TGFBRAP1: variants seen among roughly 807,000 people sequenced by gnomAD.
TGFBRAP1 encodes transforming growth factor beta receptor associated protein 1, also known as transforming growth factor-beta receptor-associated protein 1.
Under a neutral mutation model 83.2 loss-of-function variants are expected in TGFBRAP1, and 20 were observed. The observed-to-expected ratio is 0.24, with a 90% confidence interval of 0.17 to 0.35. The LOEUF is 0.35. Among genes scored for constraint, TGFBRAP1 ranks in the 10% least tolerant of loss-of-function variants. TGFBRAP1 has a pLI of 1.00. For missense variants in TGFBRAP1, 950 were observed against 1,099.4 expected, an observed-to-expected ratio of 0.86 and a Z score of 1.92; for synonymous variants, 415 against 459.8, an observed-to-expected ratio of 0.90 and a Z score of 1.25.
chr2:105,253,735 T>G, the TGFBRAP1 span, among the ~76,000 whole-genome samples: 1 of 152,192 alleles, frequency 6.6e-6, no homozygotes, highest in Non-Finnish European at 1.5e-5. Context: ...GAACCTGGCC[T>G]CCTAGTTTAA....
rs892232749 is a variant in TGFBRAP1, at chr2:105,289,196, C to CA, written c.1039-4799dup. Among the ~76,000 whole-genome samples, 76 of 140,112 alleles carry CA rather than the reference C, an allele frequency of 5.4e-4. No homozygotes were observed. In the East Asian group the frequency reaches 9.0e-3, roughly 17 times the overall value. The allele number at this position is 140,112 out of a possible 152,430, so 91.9% of individuals were successfully genotyped here. Reference sequence around the variant, plus strand: ...GGAGAGCACACATAAGCAAAATTTACAAAAAAAAAAGTGGGGGGGTGCCAA... The same window carrying CA: ...GGAGAGCACACATAAGCAAAATTTACAAAAAAAAAAAGTGGGGGGGTGCCAA... On this transcript the variant is annotated intron_variant, in intron 4 of 11. Transcript: ENST00000393359.
intron 2 of TGFBRAP1, among the ~76,000 whole-genome samples, chr2:105,306,912 G>A (rs1041311424): frequency 1.1e-4 from 16 of 152,072 alleles, no homozygotes; most frequent in East Asian, 1.9e-4. Flanking sequence ...GGACCTAACC[G>A]CTGTACAACC....
At chr2:105,285,515 G>A (rs1021385783) in intron 4 of TGFBRAP1, among the ~76,000 whole-genome samples, 3 of 152,204 alleles carry the variant, frequency 2.0e-5, no homozygotes, top group Non-Finnish European at 4.4e-5. Flanking sequence ...TGATTCTAGA[G>A]GCCAGATCTT....
In TGFBRAP1 at chr2:105,273,824, A is replaced by G. The variant is rs1025867750; in HGVS notation, c.1666-134T>C. On this transcript the variant is annotated intron_variant, in intron 8 of 11. Coordinates refer to ENST00000393359, the MANE Select transcript of TGFBRAP1 (RefSeq NM_004257.6). ...TATGATTAAATTATTATGTATGCACAGCTTTTTGTATGTCAATCATATCTC... is the reference window on the plus strand; with the variant it reads ...TATGATTAAATTATTATGTATGCACGGCTTTTTGTATGTCAATCATATCTC... 20 of 1,115,020 alleles carry G rather than the reference A, an allele frequency of 1.8e-5. No individual in the cohort carries two copies. In the African/African-American group the frequency reaches 3.2e-4, roughly 18 times the overall value. The allele number at this position is 1,115,020 out of a possible 1,614,324, so 69.1% of individuals were successfully genotyped here. A position where few individuals can be genotyped will look rare whatever the true frequency, so the allele number is the denominator to read the frequency against.
downstream of TGFBRAP1, among the ~76,000 whole-genome samples, chr2:105,259,818 C>G (rs776477568): frequency 5.9e-4 from 89 of 152,030 alleles, no homozygotes; most frequent in Non-Finnish European, 1.0e-3. Flanking sequence ...GATGGGGAAA[C>G]CTTTGTGCCT....
intron 1 of TGFBRAP1, among the ~76,000 whole-genome samples, chr2:105,316,466 C>CGT (rs1558654641): frequency 1.5e-5 from 1 of 67,512 alleles, no homozygotes; most frequent in South Asian, 4.5e-4. Flanking sequence ...TGTGTGTGCG[C>CGT]GCGCGCGCGC....
At chr2:105,281,113 T>C (rs564545112) in intron 5 of TGFBRAP1, among the ~76,000 whole-genome samples, 27 of 152,272 alleles carry the variant, frequency 1.8e-4, no homozygotes, top group African/African-American at 6.0e-4. Context: ...GAAACCAGCA[T>C]TTTCCTGGCA....
chr2:105,290,615 C>CTG (rs201513561), intron 4 of TGFBRAP1, among the ~76,000 whole-genome samples: 5,217 of 103,824 alleles, frequency 0.05, 123 homozygotes, highest in East Asian at 0.086. Flanking sequence ...AACAGAGAGA[C>CTG]AGTGTGTGTG....
At chr2:105,290,730 C>T (rs1677881723) in intron 4 of TGFBRAP1, among the ~76,000 whole-genome samples, 1 of 151,592 alleles carries the variant, frequency 6.6e-6, no homozygotes, top group African/African-American at 2.4e-5. Flanking sequence ...ACCAGCTGGG[C>T]AAGGTGGCTC....
At chr2:105,302,111 T>C (rs529926569) in intron 2 of TGFBRAP1, among the ~76,000 whole-genome samples, 1 of 147,796 alleles carries the variant, frequency 6.8e-6, no homozygotes, top group South Asian at 2.2e-4. Flanking sequence ...ACCATGCACA[T>C]AAACAAGAGA....
chr2:105,292,622 C>T (rs184386357), intron 4 of TGFBRAP1, among the ~76,000 whole-genome samples: 7 of 144,890 alleles, frequency 4.8e-5, no homozygotes, highest in Admixed American at 3.4e-4. Context: ...AAAGAAAGAA[C>T]GAGGCGGGTA....
At chr2:105,259,953 G>C (rs991469816), downstream of TGFBRAP1, among the ~76,000 whole-genome samples, 4 of 152,164 alleles carry the variant, frequency 2.6e-5, no homozygotes, top group East Asian at 7.7e-4. Context: ...ACGACTGTTA[G>C]ATGGGCTGAT....
At chr2:105,302,001 A>T (rs923001715) in intron 2 of TGFBRAP1, among the ~76,000 whole-genome samples, 7 of 146,078 alleles carry the variant, frequency 4.8e-5, no homozygotes, top group Non-Finnish European at 1.0e-4. Flanking sequence ...CAAACATATA[A>T]AGAATACTAA....
intron 4 of TGFBRAP1, among the ~76,000 whole-genome samples, chr2:105,294,626 A>T (rs1678021614): frequency 6.6e-6 from 1 of 152,076 alleles, no homozygotes; most frequent in Admixed American, 6.6e-5. Context: ...AGGGCTGGAG[A>T]TAGGAGCTTG....
At chr2:105,285,423 A>C (rs992812806) in intron 4 of TGFBRAP1, among the ~76,000 whole-genome samples, 4 of 152,104 alleles carry the variant, frequency 2.6e-5, no homozygotes, top group African/African-American at 9.7e-5. Flanking sequence ...AGGTACAAAA[A>C]CTCTGCCCAG....
the TGFBRAP1 span, among the ~76,000 whole-genome samples, chr2:105,258,134 A>G: frequency 6.6e-6 from 1 of 152,196 alleles, no homozygotes; most frequent in Non-Finnish European, 1.5e-5. Flanking sequence ...ACATGATCAT[A>G]AACTTGGAGT....
intron 4 of TGFBRAP1, among the ~76,000 whole-genome samples, chr2:105,290,321 C>T (rs1411452976): frequency 6.6e-6 from 1 of 152,186 alleles, no homozygotes; most frequent in East Asian, 1.9e-4. Context: ...CCTGTCTCAG[C>T]CTCCCAAAGT....
intron 2 of TGFBRAP1, 67 bp from the exon 3 acceptor site, chr2:105,298,772 G>T: frequency 6.8e-7 from 1 of 1,463,158 alleles, no homozygotes; most frequent in Non-Finnish European, 9.1e-7. Context: ...CTGTAGCTAT[G>T]TCTGGATGCA....
At chr2:105,259,760 G>A (rs181751303), downstream of TGFBRAP1, among the ~76,000 whole-genome samples, 20 of 152,154 alleles carry the variant, frequency 1.3e-4, no homozygotes, top group Non-Finnish European at 2.4e-4. Flanking sequence ...ATCTCGTTCT[G>A]AATCAGCTTT....
Sources: gnomAD v4.1 joint callset for allele counts (sites outside exome capture counted in the v4.1 genomes callset) on GRCh38, gnomAD v4.1.1 for gene constraint, MANE v1.5 for transcripts, NCBI Gene and HGNC (gene_info 2026-07-23, HGNC 2026-07-21) for gene names.